TWF1: variants seen among roughly 807,000 people sequenced by gnomAD.
TWF1 encodes the protein twinfilin actin binding protein 1, also known as twinfilin-1.
In TWF1, 14 loss-of-function variants were observed where a neutral mutation model predicts 47.9. The ratio of observed to expected loss-of-function variants is 0.29; its 90% CI spans 0.19 to 0.46. The LOEUF (loss-of-function observed/expected upper bound fraction) is 0.46, where lower values mean the gene tolerates loss of function less well. TWF1 is among the 20% of genes least tolerant of loss of function. TWF1 has a pLI of 1.00. For synonymous variants in TWF1, 96 were observed against 139.2 expected, an observed-to-expected ratio of 0.69 and a Z score of 2.18; for missense variants, 281 against 409.3, an observed-to-expected ratio of 0.69 and a Z score of 2.70.
chr12:43,804,194 T>C, intron 2 of TWF1: 1 of 454,272 alleles, frequency 2.2e-6, no homozygotes, highest in Non-Finnish European at 4.3e-6. Flanking sequence ...TGATTTCCAT[T>C]CCAGAGATGG....
rs1156758708 is a variant in TWF1 at position 43,799,519 on chromosome 12, G to A, written c.379-17C>T. 10 of 1,415,956 alleles carry A rather than the reference G, an allele frequency of 7.1e-6. No individual in the cohort carries two copies. The highest frequency in any genetic ancestry group is 6.5e-5 in the South Asian group (5 of 77,434). The allele number at this position is 1,415,956 out of a possible 1,614,324, so 87.7% of individuals were successfully genotyped here. On this transcript the variant is annotated splice_polypyrimidine_tract_variant and intron_variant, in intron 4 of 8. Coordinates refer to ENST00000395510, the MANE Select transcript of TWF1 (RefSeq NM_002822.5). ...TACATCTTCCTGTAAGTACAGAATA[G>A]ACTATAATCAGTAATTCTCTAGAAG...
rs116139390 is a variant in TWF1 at position 43,795,766 on chromosome 12, T to C, written c.883-11A>G. On this transcript the variant is annotated splice_polypyrimidine_tract_variant and intron_variant, in intron 8 of 8. Transcript: ENST00000395510. Reference sequence around the variant, plus strand: ...ATTGTCTATCTCGATCTGTAAAAGATAAAATTAGAAGCACAACATTCAAAA... The same window carrying C: ...ATTGTCTATCTCGATCTGTAAAAGACAAAATTAGAAGCACAACATTCAAAA... The C allele has an allele frequency of 1.7e-5, 28 of 1,611,506 alleles. No homozygotes were observed. Among genetic ancestry groups the C allele is most frequent in the South Asian group, 8.8e-5 (8 of 90,960 alleles).
At chr12:43,800,619 T>C (rs534779929) in intron 3 of TWF1, 89 bp from the exon 4 acceptor site, 1 of 1,036,644 alleles carries the variant, frequency 9.6e-7, no homozygotes, top group Admixed American at 2.1e-5. Context: ...ATATCCTGAA[T>C]CACATTAAAA....
chr12:43,801,690 G>A (rs920399292), intron 3 of TWF1, among the ~76,000 whole-genome samples: 1 of 152,046 alleles, frequency 6.6e-6, no homozygotes, highest in African/African-American at 2.4e-5. Context: ...CTCAGGGCCA[G>A]GCAGTTTCCT....
chr12:43,802,498 T>C, intron 2 of TWF1, 34 bp from the exon 3 acceptor site: 2 of 1,486,286 alleles, frequency 1.3e-6, no homozygotes, highest in Non-Finnish European at 1.9e-6. Context: ...GATAGGTAAA[T>C]GGTTTGAGAT....
intron 7 of TWF1, 24 bp from the exon 8 acceptor site, chr12:43,797,121 T>A (rs773288493): frequency 1.9e-6 from 3 of 1,565,312 alleles, no homozygotes; most frequent in African/African-American, 1.4e-5. Flanking sequence ...TAATAACAAA[T>A]ATAATTAGCA....
chr12:43,801,120 TA>T (rs1003761178), intron 3 of TWF1, among the ~76,000 whole-genome samples: 1 of 152,130 alleles, frequency 6.6e-6, no homozygotes, highest in African/African-American at 2.4e-5. Context: ...AGTTCAAGAA[TA>T]AAAAATTAAA....
At chr12:43,800,716 CAATGG>C (rs1271107523) in intron 3 of TWF1, among the ~76,000 whole-genome samples, 186 bp from the exon 4 acceptor site, 1 of 152,130 alleles carries the variant, frequency 6.6e-6, no homozygotes, top group Non-Finnish European at 1.5e-5. Context: ...TCTAAACTAT[CAATGG>C]TTAGTAAGAT....
chr12:43,802,030 A>G (rs960396186), intron 3 of TWF1, among the ~76,000 whole-genome samples: 1 of 152,130 alleles, frequency 6.6e-6, no homozygotes, highest in African/African-American at 2.4e-5. Context: ...ATTCTGCCTT[A>G]AAAAAGAAAG....
At chr12:43,799,619 T>A (rs1592278693) in intron 4 of TWF1, 117 bp from the exon 5 acceptor site, 1 of 538,436 alleles carries the variant, frequency 1.9e-6, no homozygotes, top group African/African-American at 1.9e-5. Flanking sequence ...ATAAATAGCA[T>A]TATGAATTTT....
chr12:43,798,452 T>C (rs1315825608), intron 5 of TWF1: 6 of 983,466 alleles, frequency 6.1e-6, no homozygotes, highest in Admixed American at 6.5e-5. Flanking sequence ...TCATTCGCAG[T>C]GTTGCAACAG....
In TWF1 at chr12:43,799,521, C is replaced by T; in HGVS notation, c.379-19G>A. On this transcript the variant is annotated intron_variant, in intron 4 of 8. Coordinates refer to ENST00000395510, the MANE Select transcript of TWF1 (RefSeq NM_002822.5). ...CATCTTCCTGTAAGTACAGAATAGA[C>T]TATAATCAGTAATTCTCTAGAAGTA... 1 of 1,401,684 alleles carries T rather than the reference C, an allele frequency of 7.1e-7. No individual in the cohort carries two copies. Among genetic ancestry groups the T allele is most frequent in the Non-Finnish European group, 9.9e-7 (1 of 1,010,204 alleles). 86.8% of individuals were successfully genotyped at this position (1,401,684 alleles called of 1,614,324 possible). A position where few individuals can be genotyped will look rare whatever the true frequency, so the allele number is the denominator to read the frequency against.
chr12:43,798,417 G>A (rs1942595310), intron 5 of TWF1: 5 of 671,520 alleles, frequency 7.4e-6, no homozygotes, highest in Admixed American at 3.8e-5. Flanking sequence ...TTTTATACTT[G>A]ATAAATGATA....
At position 43,793,980 on chromosome 12, in the gene TWF1, C is replaced by G. The variant is rs1252956179; in HGVS notation, c.*1605G>C. The G allele has an allele frequency of 6.6e-6, 1 of 152,590 alleles. No homozygotes were observed. Among genetic ancestry groups the G allele is most frequent in the Non-Finnish European group, 1.5e-5 (1 of 68,026 alleles). The allele number at this position is 152,590 out of a possible 1,614,324, so 9.5% of individuals were successfully genotyped here. ...ATCTATATTCTGGAATGTCCATTTACTTTAATGTAGTGTAGTGGAATTTAG... is the reference window on the plus strand; with the variant it reads ...ATCTATATTCTGGAATGTCCATTTAGTTTAATGTAGTGTAGTGGAATTTAG... On this transcript the variant is annotated 3_prime_UTR_variant, in exon 9 of 9. Transcript: ENST00000395510.
At chr12:43,798,887 A>G (rs1942607098) in intron 5 of TWF1, among the ~76,000 whole-genome samples, 1 of 152,216 alleles carries the variant, frequency 6.6e-6, no homozygotes, top group Non-Finnish European at 1.5e-5. Flanking sequence ...ATTAAAAATA[A>G]TGATAAACTA....
At position 43,805,818 on chromosome 12, in the gene TWF1, A is replaced by G. The variant is rs544706145; in HGVS notation, c.25+403T>C. 3.1e-5 allele frequency: 42 copies of G among 1,374,690 alleles called. No homozygotes were observed. The South Asian group carries it at 4.6e-4, about 15-fold the overall frequency. The allele number at this position is 1,374,690 out of a possible 1,614,324, so 85.2% of individuals were successfully genotyped here. A position where few individuals can be genotyped will look rare whatever the true frequency, so the allele number is the denominator to read the frequency against. On this transcript the variant is annotated intron_variant, in intron 1 of 8. Coordinates refer to ENST00000395510, the MANE Select transcript of TWF1 (RefSeq NM_002822.5). The stretch of plus-strand genomic sequence containing the variant: ...GTAATATTCTCCTTTGGACCATGAA[A>G]AAGAAAACTCGCCTGGTTCTCGACA...
At position 43,797,159 on chromosome 12, in the gene TWF1, C is replaced by CA. The variant is rs1942568105; in HGVS notation, c.761-63dup. ...TCAATACATAAACTTCATAAAACTA[C>CA]ATATATAAACTTCATAAAAACAAGT... is the stretch of plus-strand genomic sequence containing the variant. On this transcript the variant is annotated intron_variant, in intron 7 of 8. Transcript: ENST00000395510. 27 of 1,498,012 alleles carry CA rather than the reference C, an allele frequency of 1.8e-5. No homozygotes were observed. The East Asian group carries it at 4.6e-4, about 26-fold the overall frequency. The allele number at this position is 1,498,012 out of a possible 1,614,324, so 92.8% of individuals were successfully genotyped here.
chr12:43,806,282 G>T lies in TWF1; in HGVS notation c.-37C>A. On this transcript the variant is annotated 5_prime_UTR_variant, in exon 1 of 9. Coordinates refer to ENST00000395510, the MANE Select transcript of TWF1 (RefSeq NM_002822.5). ...CTAGCTCCCGGCTCCGGCGCTGAGT[G>T]CAGCCAGCGGCCCCGGCCGGCGGCC... The T allele has an allele frequency of 6.7e-7, 1 of 1,484,624 alleles. No individual in the cohort carries two copies. Among genetic ancestry groups the T allele is most frequent in the Non-Finnish European group, 8.9e-7 (1 of 1,120,320 alleles). 92.0% of individuals were successfully genotyped at this position (1,484,624 alleles called of 1,614,324 possible).
Position 43,795,426 on chromosome 12 carries a change from A to G in TWF1, c.*159T>C. 1.7e-6 allele frequency: 1 copy of G among 591,734 alleles called. No individual in the cohort carries two copies. Among genetic ancestry groups the G allele is most frequent in the Non-Finnish European group, 2.9e-6 (1 of 340,036 alleles). The allele number at this position is 591,734 out of a possible 1,614,324, so 36.7% of individuals were successfully genotyped here. On this transcript the variant is annotated 3_prime_UTR_variant, in exon 9 of 9. Transcript: ENST00000395510. ...CAAAAATAGAAATCATGAGTCTTCT[A>G]TAACATTAATTTTAAAAACACACAG...
Sources: allele counts gnomAD v4.1 joint callset (sites outside exome capture counted in the v4.1 genomes callset), GRCh38; gene constraint gnomAD v4.1.1; transcripts MANE v1.5; gene names NCBI Gene and HGNC (gene_info 2026-07-23, HGNC 2026-07-21).